SLIT1: variants seen among roughly 807,000 people sequenced by gnomAD.
SLIT1 encodes the protein slit homolog 1 protein.
Under a neutral mutation model 186.1 loss-of-function variants are expected in SLIT1, and 66 were observed. That is an observed-to-expected ratio of 0.35 (90% CI 0.29 to 0.44). The LOEUF (loss-of-function observed/expected upper bound fraction) is 0.44. SLIT1 is among the 20% of genes least tolerant of loss of function. The probability of loss-of-function intolerance (pLI) is 1.00; values close to 1 mark genes in which losing one functional copy is unlikely to be tolerated. For synonymous variants in SLIT1, 761 were observed against 833.8 expected, an observed-to-expected ratio of 0.91 and a Z score of 1.50; for missense variants, 1,638 against 2,037.4, an observed-to-expected ratio of 0.80 and a Z score of 3.77.
intron 4 of SLIT1, among the ~76,000 whole-genome samples, chr10:97,070,815 C>T (rs972318970): frequency 1.2e-4 from 18 of 152,054 alleles, no homozygotes; most frequent in South Asian, 8.3e-4. Context: ...ACTTGGTCTA[C>T]GGCATTTTGT....
chr10:97,033,075 G>A (rs981160634), intron 23 of SLIT1, among the ~76,000 whole-genome samples: 4 of 149,874 alleles, frequency 2.7e-5, no homozygotes, highest in Admixed American at 6.6e-5. Context: ...TTGAGACAAG[G>A]TCCAGCTCTG....
intron 13 of SLIT1, among the ~76,000 whole-genome samples, chr10:97,049,340 C>A (rs552960345): frequency 1.3e-5 from 2 of 152,278 alleles, no homozygotes; most frequent in South Asian, 2.1e-4. Flanking sequence ...AGGGTCTCTG[C>A]CACCCAGAGC....
intron 4 of SLIT1, among the ~76,000 whole-genome samples, chr10:97,066,963 G>C (rs117771321): frequency 0.016 from 2,393 of 151,854 alleles, 30 homozygotes; most frequent in Non-Finnish European, 0.026. Flanking sequence ...GCTGTGGTGG[G>C]TGCGCCTGGG....
chr10:97,133,252 C>T (rs1387711585), intron 4 of SLIT1, among the ~76,000 whole-genome samples: 1 of 152,186 alleles, frequency 6.6e-6, no homozygotes, highest in Non-Finnish European at 1.5e-5. Flanking sequence ...ATAAGCCAGT[C>T]ATAAAAAGAT....
intron 4 of SLIT1, among the ~76,000 whole-genome samples, chr10:97,087,043 C>T (rs1849167585): frequency 6.6e-6 from 1 of 151,662 alleles, no homozygotes; most frequent in African/African-American, 2.4e-5. Flanking sequence ...GTGGCTTCTG[C>T]CCAATTTTAC....
At chr10:97,014,910 GTCT>G in intron 28 of SLIT1, among the ~76,000 whole-genome samples, 1 of 151,360 alleles carries the variant, frequency 6.6e-6, no homozygotes, top group East Asian at 1.9e-4. Context: ...CCCACAGCTA[GTCT>G]TCTATAGGGG....
chr10:97,075,476 A>G (rs565234987), intron 4 of SLIT1, among the ~76,000 whole-genome samples: 1 of 152,298 alleles, frequency 6.6e-6, no homozygotes, highest in African/African-American at 2.4e-5. Context: ...AACCCACTCC[A>G]TGACCTCTGG....
At chr10:97,074,077 C>T (rs1006496630) in intron 4 of SLIT1, among the ~76,000 whole-genome samples, 2 of 152,160 alleles carry the variant, frequency 1.3e-5, no homozygotes, top group African/African-American at 4.8e-5. Flanking sequence ...AGCACCCCCA[C>T]TTTTACTTTT....
chr10:97,101,625 A>T (rs1476284257), intron 4 of SLIT1, among the ~76,000 whole-genome samples: 1 of 152,200 alleles, frequency 6.6e-6, no homozygotes, highest in Non-Finnish European at 1.5e-5. Context: ...TCAGCAGGTT[A>T]TGGGTTTAGG....
At chr10:97,140,584 CTTGGCCTCCGCG>C (rs1370520050) in intron 4 of SLIT1, among the ~76,000 whole-genome samples, 5 of 152,170 alleles carry the variant, frequency 3.3e-5, no homozygotes, top group African/African-American at 1.2e-4. Flanking sequence ...CCCTTCCCTG[CTTGGCCTCCGCG>C]ATCGGCCGAC....
At chr10:97,054,266 C>T (rs1438105845) in intron 13 of SLIT1, among the ~76,000 whole-genome samples, 1 of 151,982 alleles carries the variant, frequency 6.6e-6, no homozygotes, top group Non-Finnish European at 1.5e-5. Context: ...ACTCCCCCTC[C>T]CTCTCTTGCT....
intron 4 of SLIT1, chr10:97,102,058 C>T (rs1589394045): frequency 6.6e-6 from 1 of 152,318 alleles, no homozygotes; most frequent in East Asian, 1.9e-4. Flanking sequence ...CAGAATCAGG[C>T]TCCTCCTGAA....
chr10:97,145,277 C>T (rs1321332749), intron 4 of SLIT1, among the ~76,000 whole-genome samples: 1 of 152,064 alleles, frequency 6.6e-6, no homozygotes, highest in Non-Finnish European at 1.5e-5. Context: ...GCCATCACAC[C>T]CGGCTAATTT....
At chr10:97,057,368 G>A (rs540732759) in intron 11 of SLIT1, 87 bp from the exon 12 acceptor site, 162 of 1,045,754 alleles carry the variant, frequency 1.5e-4, no homozygotes, top group Middle Eastern at 2.9e-4. Flanking sequence ...GCTCAACAGC[G>A]CTGCCCCTAA....
chr10:97,002,737 T>A lies in SLIT1; in HGVS notation c.4121A>T (p.Asp1374Val), dbSNP rs1848322586. ...CEAGWVGLHC[D>V]QPADGPCHGH... Reference sequence around the variant, plus strand: ...ATGGCAGGGGCCGTCAGCGGGCTGGTCACAGTGCAGGCCCACCCAGCCAGC... The same window carrying A: ...ATGGCAGGGGCCGTCAGCGGGCTGGACACAGTGCAGGCCCACCCAGCCAGC... The change falls in exon 35 of 37, where the codon GAC becomes GTC. Residue 1374 changes from aspartate (D) to valine (V), a missense_variant. Physicochemically the swap from Asp to Val is radical, Grantham distance 152. Coordinates refer to ENST00000266058, the MANE Select transcript of SLIT1 (RefSeq NM_003061.3). The A allele has an allele frequency of 6.3e-7, 1 of 1,597,800 alleles. No individual in the cohort carries two copies. The highest frequency in any genetic ancestry group is 2.3e-5 in the East Asian group (1 of 44,444).
intron 4 of SLIT1, among the ~76,000 whole-genome samples, chr10:97,115,547 G>A (rs1254388422): frequency 6.6e-6 from 1 of 152,086 alleles, no homozygotes; most frequent in Non-Finnish European, 1.5e-5. Context: ...TCTGAGAAAG[G>A]TGTTCCCAGC....
chr10:97,176,179 C>T (rs1263404922), intron 1 of SLIT1, among the ~76,000 whole-genome samples: 2 of 152,174 alleles, frequency 1.3e-5, no homozygotes, highest in African/African-American at 4.8e-5. Flanking sequence ...CAGATGGCTC[C>T]ATCTCTCTGA....
At chr10:97,079,349 G>A (rs1240493617) in intron 4 of SLIT1, among the ~76,000 whole-genome samples, 1 of 152,176 alleles carries the variant, frequency 6.6e-6, no homozygotes, top group African/African-American at 2.4e-5. Context: ...TTGATCTGGT[G>A]CTGGTTACAT....
rs373031909 is a variant in SLIT1 at position 97,031,617 on chromosome 10, G to A, written c.2499C>T (p.Ser833=). ...GTGAGGAGACTTACAGCAGGCGCAG[G>A]GAGCGGAGTCCCTGGAAGGCCAAAG... ...IPPLAFQGLR[S]LRLLSLHGND... Residue 833 remains serine, a synonymous_variant, in exon 24 of 37, where the codon TCC becomes TCT. Transcript: ENST00000266058. 1.3e-5 allele frequency: 20 copies of A among 1,551,434 alleles called. No individual in the cohort carries two copies. Among genetic ancestry groups the A allele is most frequent in the Non-Finnish European group, 1.7e-5 (20 of 1,146,734 alleles).
Sources: allele counts gnomAD v4.1 joint callset (sites outside exome capture counted in the v4.1 genomes callset), GRCh38; gene constraint gnomAD v4.1.1; transcripts MANE v1.5; gene names NCBI Gene and HGNC (gene_info 2026-07-23, HGNC 2026-07-21).